Variants in EPHA4 observed in about 807,000 individuals in gnomAD.
EPHA4 encodes ephrin type-A receptor 4.
EPHA4 carries 19 observed loss-of-function variants against 108.3 expected under a neutral mutation model. That is an observed-to-expected ratio of 0.18 (90% CI 0.12 to 0.26). The LOEUF is 0.26. Among genes scored for constraint, EPHA4 ranks in the 10% least tolerant of loss-of-function variants. The pLI, the probability that EPHA4 is intolerant of heterozygous loss-of-function variation, is 1.00. For missense variants in EPHA4, 917 were observed against 1,254.0 expected (o/e 0.73, Z 4.06); for synonymous variants, 449 against 455.5 (o/e 0.99, Z 0.18).
intron 5 of EPHA4, among the ~76,000 whole-genome samples, chr2:221,464,985 T>C (rs1300139580): frequency 6.6e-6 from 1 of 152,256 alleles, no homozygotes; most frequent in Non-Finnish European, 1.5e-5. Flanking sequence ...GAAGTTCATT[T>C]ATATTTAGAT....
Position 221,482,227 on chromosome 2 carries a change from A to G in EPHA4, c.1318+125T>C, listed in dbSNP as rs1284298511. 14 of 1,037,662 alleles carry G rather than the reference A, an allele frequency of 1.3e-5. 1 individual carries two copies. Among genetic ancestry groups the G allele is most frequent in the East Asian group, 2.6e-5 (1 of 38,088 alleles). The allele number at this position is 1,037,662 out of a possible 1,614,324, so 64.3% of individuals were successfully genotyped here. The stretch of plus-strand genomic sequence containing the variant: ...TGCCCAGCCCCTAAGTATCTTTTAC[A>G]TTATAACGCAGCTCCCAGGCTTGAT... On this transcript the variant is annotated intron_variant, in intron 5 of 17. Transcript: ENST00000281821.
chr2:221,435,484 CA>C (rs538105792), intron 13 of EPHA4, among the ~76,000 whole-genome samples: 2 of 151,910 alleles, frequency 1.3e-5, no homozygotes, highest in East Asian at 3.9e-4. Flanking sequence ...TGCCCCCCTC[CA>C]AAAAAAGCTC....
chr2:221,451,369 C>A (rs893160664), intron 8 of EPHA4, among the ~76,000 whole-genome samples: 1 of 152,004 alleles, frequency 6.6e-6, no homozygotes, highest in Non-Finnish European at 1.5e-5. Flanking sequence ...TAGATTCAGT[C>A]ATTAGTCTTG....
At position 221,482,589 on chromosome 2, in the gene EPHA4, A is replaced by C; in HGVS notation, c.1081T>G (p.Ser361Ala). 6.2e-7 allele frequency: 1 copy of C among 1,614,012 alleles called. No homozygotes were observed. The highest frequency in any genetic ancestry group is 8.5e-7 in the Non-Finnish European group (1 of 1,179,974). ...CATTTCTTGCATACCACATTATAGG[A>C]AATGTCCTGGCGGCCACCTGTATTC... ...PQNTGGRQDI[S>A]YNVVCKKCGA... Residue 361 changes from serine (S) to alanine (A), a missense_variant, in exon 5 of 18, where the codon TCC becomes GCC. Physicochemically the swap from Ser to Ala is moderately conservative, Grantham distance 99 (BLOSUM62 1). Transcript: ENST00000281821.
At chr2:221,558,680 G>A (rs200354363) in intron 3 of EPHA4, among the ~76,000 whole-genome samples, 22 of 152,072 alleles carry the variant, frequency 1.4e-4, no homozygotes, top group East Asian at 5.8e-4. Context: ...ATTTCTATGC[G>A]ATGTTTTGGT....
At chr2:221,537,530 T>C (rs899746683) in intron 3 of EPHA4, among the ~76,000 whole-genome samples, 1 of 152,214 alleles carries the variant, frequency 6.6e-6, no homozygotes, top group Non-Finnish European at 1.5e-5. Flanking sequence ...CTCACATCTG[T>C]AATGCAAGTA....
chr2:221,492,983 A>C (rs138609593), intron 4 of EPHA4, among the ~76,000 whole-genome samples: 68 of 152,340 alleles, frequency 4.5e-4, no homozygotes, highest in African/African-American at 1.6e-3. Context: ...TTTTCATAAA[A>C]ATATGTTCAC....
intron 17 of EPHA4, among the ~76,000 whole-genome samples, 193 bp from the exon 18 acceptor site, chr2:221,420,745 G>T (rs1689734701): frequency 1.4e-5 from 2 of 145,676 alleles, no homozygotes; most frequent in Non-Finnish European, 3.0e-5. Flanking sequence ...AAAAAAACCT[G>T]TTTACTAACA....
chr2:221,454,963 G>A (rs1426746213), intron 8 of EPHA4, among the ~76,000 whole-genome samples: 1 of 152,124 alleles, frequency 6.6e-6, no homozygotes, highest in Non-Finnish European at 1.5e-5. Context: ...GGCTTTTCCT[G>A]GGGGAAGACT....
At chr2:221,467,131 A>C (rs1275307846) in intron 5 of EPHA4, among the ~76,000 whole-genome samples, 2 of 152,236 alleles carry the variant, frequency 1.3e-5, no homozygotes, top group Non-Finnish European at 2.9e-5. Context: ...CTAAGACAAG[A>C]ATAAAACAAA....
chr2:221,509,740 A>T (rs1288429098), intron 3 of EPHA4, among the ~76,000 whole-genome samples: 16 of 152,374 alleles, frequency 1.1e-4, no homozygotes, highest in African/African-American at 3.6e-4. Context: ...GTAAGTAAAG[A>T]ATGACAAAAG....
intron 3 of EPHA4, among the ~76,000 whole-genome samples, chr2:221,503,104 G>A (rs1191155184): frequency 6.6e-6 from 1 of 152,194 alleles, no homozygotes; most frequent in East Asian, 1.9e-4. Context: ...CCTCTGAACA[G>A]GAACACAAAC....
rs191416708 is a variant in EPHA4, at chr2:221,566,812, A to G, written c.159+1906T>C. 6.2e-4 allele frequency among the ~76,000 whole-genome samples: 88 copies of G among 140,874 alleles called. 2 individuals are homozygous for G. The highest frequency in any genetic ancestry group is 1.9e-3 in the African/African-American group (69 of 36,970). The allele number at this position is 140,874 out of a possible 152,430, so 92.4% of individuals were successfully genotyped here. On this transcript the variant is annotated intron_variant, in intron 2 of 17. Coordinates refer to ENST00000281821, the MANE Select transcript of EPHA4 (RefSeq NM_004438.5). ...GGAGAAGAAGAAGAGGGAGAAGAAG[A>G]AGAAGGAGAAGAAGGAGAAGGAGAA...
chr2:221,439,004 G>GGGTT (rs1690332345), intron 11 of EPHA4, among the ~76,000 whole-genome samples: 1 of 152,092 alleles, frequency 6.6e-6, no homozygotes, highest in Admixed American at 6.5e-5. Context: ...GTTGAAGAGT[G>GGGTT]GGTTTTTAAT....
At chr2:221,466,338 G>T (rs562508903) in intron 5 of EPHA4, among the ~76,000 whole-genome samples, 1 of 152,338 alleles carries the variant, frequency 6.6e-6, no homozygotes, top group African/African-American at 2.4e-5. Flanking sequence ...CTGAGGCCCT[G>T]TGAATTGCCA....
intron 3 of EPHA4, among the ~76,000 whole-genome samples, chr2:221,551,251 G>A (rs1409489775): frequency 6.6e-6 from 1 of 152,074 alleles, no homozygotes; most frequent in African/African-American, 2.4e-5. Flanking sequence ...AAGAAGATTG[G>A]ATGTAAGATA....
intron 3 of EPHA4, among the ~76,000 whole-genome samples, chr2:221,510,131 G>T (rs1056408176): frequency 1.3e-5 from 2 of 152,142 alleles, no homozygotes; most frequent in African/African-American, 4.8e-5. Flanking sequence ...AAAACTTCAA[G>T]TTTTTTGTTT....
chr2:221,448,956 T>C (rs112154691), intron 8 of EPHA4, among the ~76,000 whole-genome samples: 6 of 152,160 alleles, frequency 3.9e-5, no homozygotes, highest in African/African-American at 1.2e-4. Flanking sequence ...CCAGAGGAAA[T>C]ACAAAATGAC....
At position 221,566,857 on chromosome 2, in the gene EPHA4, A is replaced by G. The variant is rs1035592769; in HGVS notation, c.159+1861T>C. ...GGAGAAGAAGGAGAAGGAGAAGGAG[A>G]AGAAGAAGAAGAAGAAGAAGGAGAA... is the stretch of plus-strand genomic sequence containing the variant. On this transcript the variant is annotated intron_variant, in intron 2 of 17. Transcript: ENST00000281821. 8.5e-5 allele frequency among the ~76,000 whole-genome samples: 5 copies of G among 59,126 alleles called. 1 individual carries two copies. Among genetic ancestry groups the G allele is most frequent in the African/African-American group, 1.6e-4 (2 of 12,190 alleles). 38.8% of individuals were successfully genotyped at this position (59,126 alleles called of 152,430 possible). A position where few individuals can be genotyped will look rare whatever the true frequency, so the allele number is the denominator to read the frequency against.
Sources: gnomAD v4.1 joint callset for allele counts (sites outside exome capture counted in the v4.1 genomes callset) on GRCh38, gnomAD v4.1.1 for gene constraint, MANE v1.5 for transcripts, NCBI Gene and HGNC (gene_info 2026-07-23, HGNC 2026-07-21) for gene names.